The following MAP4K4 variants were observed in gnomAD, a reference collection of about 807,000 sequenced individuals.
The protein encoded by MAP4K4 is mitogen-activated protein kinase kinase kinase kinase 4.
In MAP4K4, 38 loss-of-function variants were observed where a neutral mutation model predicts 189.6. That is an observed-to-expected ratio of 0.20 (90% CI 0.15 to 0.26). MAP4K4 has a LOEUF of 0.26. MAP4K4 is among the 10% of genes least tolerant of loss of function. The pLI, the probability that MAP4K4 is intolerant of heterozygous loss-of-function variation, is 1.00. For missense variants in MAP4K4, 1,054 were observed against 1,726.9 expected (o/e 0.61, Z 6.91); for synonymous variants, 610 against 624.3 (o/e 0.98, Z 0.34).
At chr2:101,744,964 T>C (rs1480983439) in intron 2 of MAP4K4, among the ~76,000 whole-genome samples, 1 of 152,176 alleles carries the variant, frequency 6.6e-6, no homozygotes, top group Admixed American at 6.5e-5. Flanking sequence ...ACTTTTGTCA[T>C]CTATATGGGG....
intron 32 of MAP4K4, 101 bp from the exon 33 acceptor site, chr2:101,891,065 C>G: frequency 3.3e-6 from 3 of 908,298 alleles, no homozygotes; most frequent in Non-Finnish European, 5.4e-6. Context: ...GTCTAAGCTT[C>G]TCGTACTTGA....
intron 2 of MAP4K4, among the ~76,000 whole-genome samples, chr2:101,752,541 A>G (rs1357965365): frequency 6.6e-6 from 1 of 152,178 alleles, no homozygotes; most frequent in Admixed American, 6.5e-5. Context: ...CACCCTGTGT[A>G]CCAGAAGTCA....
chr2:101,849,471 A>G (rs1380427391), intron 12 of MAP4K4, among the ~76,000 whole-genome samples: 2 of 152,028 alleles, frequency 1.3e-5, no homozygotes, highest in East Asian at 1.9e-4. Flanking sequence ...GCATCATCAC[A>G]TCTTTGGCTC....
chr2:101,771,330 G>C (rs532311721), intron 2 of MAP4K4, among the ~76,000 whole-genome samples: 4 of 152,144 alleles, frequency 2.6e-5, no homozygotes, highest in Non-Finnish European at 5.9e-5. Context: ...AACATTCCAG[G>C]GAGAAATTTG....
intron 2 of MAP4K4, among the ~76,000 whole-genome samples, chr2:101,767,885 T>G (rs2079332048): frequency 6.6e-6 from 1 of 152,240 alleles, no homozygotes; most frequent in African/African-American, 2.4e-5. Context: ...TGTTCAGATC[T>G]GTTTCTCCCC....
chr2:101,876,284 G>A (rs1231991177), intron 26 of MAP4K4, among the ~76,000 whole-genome samples: 1 of 152,170 alleles, frequency 6.6e-6, no homozygotes, highest in Non-Finnish European at 1.5e-5. Context: ...GGACAGCAGT[G>A]GAAATGTCTC....
intron 3 of MAP4K4, among the ~76,000 whole-genome samples, chr2:101,792,255 A>G (rs2093001241): frequency 6.6e-6 from 1 of 152,102 alleles, no homozygotes; most frequent in Non-Finnish European, 1.5e-5. Context: ...GTCTTTGCAT[A>G]TTTATTAACA....
intron 3 of MAP4K4, among the ~76,000 whole-genome samples, chr2:101,816,527 G>A (rs535125118): frequency 6.6e-6 from 1 of 152,266 alleles, no homozygotes; most frequent in South Asian, 2.1e-4. Context: ...GCTTCATGGA[G>A]TTTGCCACTG....
intron 6 of MAP4K4, 97 bp from the exon 7 acceptor site, chr2:101,831,624 T>G (rs1482171113): frequency 1.5e-6 from 2 of 1,326,972 alleles, no homozygotes; most frequent in East Asian, 2.5e-5. Flanking sequence ...TGTTTCAGTT[T>G]ACTATGAAGA....
chr2:101,726,014 G>A (rs2055159754), intron 2 of MAP4K4, among the ~76,000 whole-genome samples: 1 of 152,154 alleles, frequency 6.6e-6, no homozygotes, highest in Non-Finnish European at 1.5e-5. Context: ...GCCCCCTGTC[G>A]GGGATCCTTT....
intron 3 of MAP4K4, among the ~76,000 whole-genome samples, chr2:101,798,851 C>G (rs942494030): frequency 1.3e-5 from 2 of 152,282 alleles, no homozygotes; most frequent in South Asian, 4.1e-4. Context: ...CCATGTCATT[C>G]TCATCTTTTG....
intron 27 of MAP4K4, 144 bp from the exon 28 acceptor site, chr2:101,882,407 G>A (rs1175498733): frequency 7.9e-6 from 4 of 509,018 alleles, no homozygotes; most frequent in Non-Finnish European, 1.3e-5. Context: ...CTGTTTCTGT[G>A]GTACACATCT....
chr2:101,718,256 C>CA (rs879284137), intron 2 of MAP4K4, among the ~76,000 whole-genome samples: 8,986 of 88,626 alleles, frequency 0.1, 365 homozygotes, highest in African/African-American at 0.17. Context: ...GACTCCGTCT[C>CA]AAAAAAAAAA....
intron 3 of MAP4K4, among the ~76,000 whole-genome samples, chr2:101,814,510 G>C (rs1392710709): frequency 6.6e-6 from 1 of 152,174 alleles, no homozygotes; most frequent in Non-Finnish European, 1.5e-5. Context: ...ATAAAGACAG[G>C]ATCCCTTTCC....
intron 2 of MAP4K4, among the ~76,000 whole-genome samples, chr2:101,745,438 T>TAAA (rs10678749): frequency 0.011 from 984 of 91,596 alleles, 12 homozygotes; most frequent in East Asian, 0.07. Flanking sequence ...TGCCCCCAGG[T>TAAA]AAAAAAAAAA....
intron 29 of MAP4K4, among the ~76,000 whole-genome samples, chr2:101,885,519 C>T (rs530017500): frequency 2.6e-5 from 4 of 152,274 alleles, no homozygotes; most frequent in South Asian, 4.1e-4. Flanking sequence ...ACACTTTAAT[C>T]GATGTGGCAA....
intron 2 of MAP4K4, among the ~76,000 whole-genome samples, chr2:101,769,568 C>T (rs1011318161): frequency 1.3e-5 from 2 of 151,990 alleles, no homozygotes; most frequent in African/African-American, 4.8e-5. Flanking sequence ...TCTTATGATG[C>T]TCATCCAGAA....
chr2:101,749,880 C>T (rs2067764569), intron 2 of MAP4K4, among the ~76,000 whole-genome samples: 2 of 79,450 alleles, frequency 2.5e-5, no homozygotes, highest in Admixed American at 1.2e-4. Context: ...CAAAAGAGGA[C>T]ATTTATGCAG....
chr2:101,869,660 A>C (rs1413892973), exon 22 of MAP4K4: 1 of 1,610,142 alleles, frequency 6.2e-7, no homozygotes, highest in South Asian at 1.1e-5. Flanking sequence ...GAGCAGTGGA[A>C]GATGTACGGC....
Sources: allele counts gnomAD v4.1 joint callset (sites outside exome capture counted in the v4.1 genomes callset), GRCh38; gene constraint gnomAD v4.1.1; transcripts MANE v1.5; gene names NCBI Gene and HGNC (gene_info 2026-07-23, HGNC 2026-07-21).